COL5A1: variants seen among roughly 807,000 people sequenced by gnomAD.
COL5A1 encodes collagen type V alpha 1 chain, also known as collagen alpha-1(V) chain.
Under a neutral mutation model 263.7 loss-of-function variants are expected in COL5A1, and 16 were observed. The observed-to-expected ratio is 0.06, with a 90% CI of 0.04 to 0.09. The LOEUF (loss-of-function observed/expected upper bound fraction) is 0.09. Among genes scored for constraint, COL5A1 ranks in the 10% least tolerant of loss-of-function variants. The probability of loss-of-function intolerance (pLI) is 1.00; values close to 1 mark genes in which losing one functional copy is unlikely to be tolerated. For missense variants in COL5A1, 2,036 were observed against 2,540.5 expected (o/e 0.80, Z 4.27); for synonymous variants, 1,012 against 1,004.5 (o/e 1.01, Z -0.14).
intron 37 of COL5A1, among the ~76,000 whole-genome samples, chr9:134,799,771 A>G (rs929406097): frequency 7.5e-6 from 1 of 133,588 alleles, no homozygotes; most frequent in African/African-American, 3.5e-5. Context: ...GAGAAAAATT[A>G]AAACATTTCT....
At chr9:134,798,516 A>C (rs1837998934) in intron 37 of COL5A1, 55 bp downstream of exon 37, 3 of 1,549,062 alleles carry the variant, frequency 1.9e-6, no homozygotes, top group Admixed American at 3.3e-5. Context: ...ACCACCCTGC[A>C]CGTGGGCACA....
At chr9:134,703,944 G>A (rs2132579656) in intron 4 of COL5A1, among the ~76,000 whole-genome samples, 1 of 152,192 alleles carries the variant, frequency 6.6e-6, no homozygotes, top group African/African-American at 2.4e-5. Context: ...CGGCCTCAGG[G>A]TTTTAATGTT....
In COL5A1 at chr9:134,724,153, C is replaced by T. The variant is rs1834564597; in HGVS notation, c.655-3113C>T. 2.6e-5 allele frequency among the ~76,000 whole-genome samples: 4 copies of T among 152,176 alleles called. No homozygotes were observed. In the South Asian group the frequency reaches 6.2e-4, roughly 24 times the overall value. ...GTGTCCTGCATCAGCCCCCTGCTGA[C>T]CCCCAGTTCCTCCAAACCTACTGCC... is the stretch of plus-strand genomic sequence containing the variant. On this transcript the variant is annotated intron_variant, in intron 4 of 65. Transcript: ENST00000371817.
At chr9:134,744,521 C>G (rs988459003) in intron 11 of COL5A1, among the ~76,000 whole-genome samples, 1 of 145,446 alleles carries the variant, frequency 6.9e-6, no homozygotes, top group East Asian at 2.1e-4. Flanking sequence ...ATGCACACCC[C>G]CATACATGCA....
chr9:134,842,409 C>T lies in COL5A1; in HGVS notation c.*106C>T. ...GACCCTGGACAGTGAAGGCTTCTCC[C>T]TCCCCTCCCACCTGACTTCATCTAC... On this transcript the variant is annotated 3_prime_UTR_variant, in exon 66 of 66. Coordinates refer to ENST00000371817, the MANE Select transcript of COL5A1 (RefSeq NM_000093.5). This position sits in a 1 kb window ranked among gnomAD's most constrained non-coding sequence, Gnocchi z 5.8. 7.3e-7 allele frequency: 1 copy of T among 1,370,208 alleles called. No individual in the cohort carries two copies. The highest frequency in any genetic ancestry group is 1.2e-5 in the South Asian group (1 of 81,492). The allele number at this position is 1,370,208 out of a possible 1,614,324, so 84.9% of individuals were successfully genotyped here. A position where few individuals can be genotyped will look rare whatever the true frequency, so the allele number is the denominator to read the frequency against.
Position 134,750,801 on chromosome 9 carries a change from A to G in COL5A1, c.1581A>G (p.Gly527=), listed in dbSNP as rs547134376. The G allele has an allele frequency of 6.2e-7, 1 of 1,613,180 alleles. No individual in the cohort carries two copies. Among genetic ancestry groups the G allele is most frequent in the East Asian group, 2.2e-5 (1 of 44,854 alleles). The change falls in exon 13 of 66, where the codon GGA becomes GGG. Residue 527 remains glycine (G), a synonymous_variant. Transcript: ENST00000371817. The stretch of plus-strand genomic sequence containing the variant: ...TCTTACACTTGCAGTTCCGGTTTGG[A>G]GGTGGCGGCGATGCGGGCTCCAAAG... ...GTMLMLPFRF[G]GGGDAGSKGP...
intron 42 of COL5A1, among the ~76,000 whole-genome samples, chr9:134,808,303 A>G (rs992919321): frequency 6.6e-6 from 1 of 152,144 alleles, no homozygotes; most frequent in African/African-American, 2.4e-5. Flanking sequence ...TGCAGTGAGA[A>G]AATATAGGCT....
In COL5A1 at chr9:134,730,469, C is replaced by T. The variant is rs61729497; in HGVS notation, c.1158C>T (p.Ser386=). 4.3e-4 allele frequency: 700 copies of T among 1,614,094 alleles called. 5 individuals carry two copies. In the African/African-American group the frequency reaches 6.2e-3, roughly 14 times the overall value. The change falls in exon 7 of 66, where the codon TCC becomes TCT. Residue 386 remains serine, a synonymous_variant. Transcript: ENST00000371817. ...CCAGCACCGCCGACACCTCCAACTCCTCCAATGTAATTTCTTTCCTTCCCA... is the reference window on the plus strand; with the variant it reads ...CCAGCACCGCCGACACCTCCAACTCTTCCAATGTAATTTCTTTCCTTCCCA... The part of the protein sequence containing the change: ...IPTSTADTSN[S]SNPAPPPGEG...
Position 134,819,182 on chromosome 9 carries a change from G to A in COL5A1, c.4446+129G>A. On this transcript the variant is annotated intron_variant, in intron 57 of 65. Coordinates refer to ENST00000371817, the MANE Select transcript of COL5A1 (RefSeq NM_000093.5). Reference sequence around the variant, plus strand: ...CAAGCACCTGCTGCAGGCTGGTGGTGGGGAACCTGAGGGGTGACAAAGGAA... The same window carrying A: ...CAAGCACCTGCTGCAGGCTGGTGGTAGGGAACCTGAGGGGTGACAAAGGAA... 2.0e-6 allele frequency: 2 copies of A among 1,024,492 alleles called. 1 individual carries two copies. The highest frequency in any genetic ancestry group is 2.7e-5 in the South Asian group (2 of 74,058). The allele number at this position is 1,024,492 out of a possible 1,614,324, so 63.5% of individuals were successfully genotyped here. A position where few individuals can be genotyped will look rare whatever the true frequency, so the allele number is the denominator to read the frequency against.
intron 8 of COL5A1, 124 bp from the exon 9 acceptor site, chr9:134,731,947 G>A: frequency 1.7e-6 from 2 of 1,144,438 alleles, no homozygotes; most frequent in Non-Finnish European, 2.6e-6. Flanking sequence ...TCCTGGGCCT[G>A]GGGAGATGCC....
At chr9:134,739,206 C>G (rs1835213412) in intron 11 of COL5A1, among the ~76,000 whole-genome samples, 1 of 152,236 alleles carries the variant, frequency 6.6e-6, no homozygotes, top group South Asian at 2.1e-4. Flanking sequence ...CTTCCTTGGT[C>G]TGGGTTGCAC....
chr9:134,728,574 G>A (rs971738146), intron 5 of COL5A1, 96 bp from the exon 6 acceptor site: 3 of 1,563,436 alleles, frequency 1.9e-6, no homozygotes, highest in African/African-American at 1.3e-5. Context: ...ACGGGGCGTC[G>A]TGGCGTGCAG....
chr9:134,811,577 C>T lies in COL5A1; in HGVS notation c.3668C>T (p.Pro1223Leu). ...GDEGPRGFPG[P>L]PGPVGLQGLP... ...GAAGGTCCCAGAGGCTTTCCTGGAC[C>T]CCCTGGGCCAGTGGGGCTGCAGGTA... is the stretch of plus-strand genomic sequence containing the variant. Residue 1223 changes from proline to leucine, a missense_variant, in exon 46 of 66, where the codon CCC (proline) becomes CTC (leucine). Physicochemically the swap from Pro to Leu is moderately conservative, Grantham distance 98 (BLOSUM62 -3). Around this residue, in one of 3 missense-constraint regions of COL5A1, gnomAD observed 1,078 missense variants for 1,521.4 expected, o/e 0.71. Transcript: ENST00000371817. The T allele has an allele frequency of 6.4e-7, 1 of 1,561,648 alleles. No individual in the cohort carries two copies. Among genetic ancestry groups the T allele is most frequent in the African/African-American group, 1.4e-5 (1 of 73,434 alleles).
At chr9:134,688,336 C>T (rs1014333267) in intron 1 of COL5A1, among the ~76,000 whole-genome samples, 10 of 152,146 alleles carry the variant, frequency 6.6e-5, no homozygotes, top group African/African-American at 1.9e-4. Context: ...CTGCCCCGGC[C>T]GCTGCCAGTG....
intron 1 of COL5A1, among the ~76,000 whole-genome samples, chr9:134,685,450 ATCCATCCATCCATCC>A (rs1833019930): frequency 1.1e-3 from 1 of 914 alleles, no homozygotes. Context: ...ATTGTCCATC[ATCCATCCATCCATCC>A]ATTCATCCAT....
intron 37 of COL5A1, among the ~76,000 whole-genome samples, chr9:134,800,273 G>A (rs145263091): frequency 2.0e-4 from 30 of 150,624 alleles, no homozygotes; most frequent in Admixed American, 9.8e-4. Context: ...CCAAGGCTCC[G>A]ATCTCCCTTC....
chr9:134,665,365 A>G (rs1832325171), intron 1 of COL5A1, among the ~76,000 whole-genome samples: 1 of 152,264 alleles, frequency 6.6e-6, no homozygotes, highest in Non-Finnish European at 1.5e-5. Context: ...AAACAAGCAC[A>G]GCAGCTAAGA....
intron 65 of COL5A1, among the ~76,000 whole-genome samples, chr9:134,839,148 G>T (rs1839939672): frequency 6.6e-6 from 1 of 152,236 alleles, no homozygotes; most frequent in Admixed American, 6.5e-5. Flanking sequence ...GCATCGTTTG[G>T]CTGGGGCGCC....
intron 32 of COL5A1, among the ~76,000 whole-genome samples, chr9:134,791,012 G>C (rs1445130841): frequency 1.3e-5 from 2 of 152,174 alleles, no homozygotes; most frequent in East Asian, 3.9e-4. Flanking sequence ...CTCCTGACTG[G>C]GGCTCTGCCC....
Sources: gnomAD v4.1 joint callset for allele counts (sites outside exome capture counted in the v4.1 genomes callset) on GRCh38, gnomAD v4.1.1 for gene constraint, gnomAD v4.1.1 regional missense constraint, Gnocchi (gnomAD v3.1) non-coding constraint, MANE v1.5 for transcripts, NCBI Gene and HGNC (gene_info 2026-07-23, HGNC 2026-07-21) for gene names.